FCHSD2: variants seen among roughly 807,000 people sequenced by gnomAD.
FCHSD2 encodes the protein F-BAR and double SH3 domains protein 2.
FCHSD2 carries 38 observed loss-of-function variants against 108.1 expected under a neutral mutation model. The ratio of observed to expected loss-of-function variants is 0.35; its 90% confidence interval spans 0.27 to 0.46. FCHSD2 has a LOEUF of 0.46. Ranked by LOEUF, FCHSD2 falls within the 20% of genes least tolerant of loss-of-function variation. FCHSD2 has a pLI of 1.00. For missense variants in FCHSD2, 751 were observed against 897.8 expected (o/e 0.84, Z 2.09); for synonymous variants, 279 against 314.7 (o/e 0.89, Z 1.20).
intron 8 of FCHSD2, among the ~76,000 whole-genome samples, chr11:72,944,753 A>G (rs1327588296): frequency 6.6e-6 from 1 of 152,210 alleles, no homozygotes; most frequent in Non-Finnish European, 1.5e-5. Context: ...TTATATACCA[A>G]TAACAGACAA....
At chr11:72,994,143 C>T (rs1016061070) in intron 5 of FCHSD2, among the ~76,000 whole-genome samples, 1 of 152,038 alleles carries the variant, frequency 6.6e-6, no homozygotes, top group Non-Finnish European at 1.5e-5. Context: ...CTATGTGGAC[C>T]GAGACATACA....
chr11:73,056,999 CG>C (rs1163229056), intron 3 of FCHSD2, among the ~76,000 whole-genome samples: 1 of 152,072 alleles, frequency 6.6e-6, no homozygotes, highest in Non-Finnish European at 1.5e-5. Flanking sequence ...AGGAGAATGG[CG>C]TGAACCCAGG....
chr11:73,120,955 C>T (rs1000626293), intron 2 of FCHSD2, among the ~76,000 whole-genome samples: 3 of 151,818 alleles, frequency 2.0e-5, no homozygotes, highest in Admixed American at 6.6e-5. Context: ...AATCTGGCAC[C>T]CCTCAAGTCA....
chr11:72,935,709 A>G (rs188833365), intron 8 of FCHSD2, among the ~76,000 whole-genome samples: 2 of 152,352 alleles, frequency 1.3e-5, no homozygotes, highest in Admixed American at 1.3e-4. Context: ...TTATCAGTTG[A>G]TATAAAGTAA....
At chr11:73,115,762 T>C (rs1860588628) in intron 2 of FCHSD2, among the ~76,000 whole-genome samples, 1 of 152,176 alleles carries the variant, frequency 6.6e-6, no homozygotes, top group Non-Finnish European at 1.5e-5. Flanking sequence ...GAGGCAAAAT[T>C]TCTTCTTCTT....
rs370352416 is a variant in FCHSD2 at position 72,916,027 on chromosome 11, G to A, written c.828+5801C>T. ...TGGGAGCTAAATTATGAGAACACAT[G>A]GGAACAACGCACACTAGGGCCTACC... On this transcript the variant is annotated intron_variant, in intron 9 of 19. Coordinates refer to ENST00000409418, the MANE Select transcript of FCHSD2 (RefSeq NM_014824.3). Among the ~76,000 whole-genome samples, 27 of 152,180 alleles carry A rather than the reference G, an allele frequency of 1.8e-4. No individual in the cohort carries two copies. In the South Asian group the frequency reaches 5.6e-3, roughly 32 times the overall value.
At chr11:72,875,678 G>C (rs886996177) in intron 12 of FCHSD2, among the ~76,000 whole-genome samples, 6 of 152,084 alleles carry the variant, frequency 3.9e-5, no homozygotes, top group Non-Finnish European at 7.3e-5. Context: ...ATTTAATCAA[G>C]GTCACACCAA....
At chr11:72,867,825 G>A (rs772888973) in intron 13 of FCHSD2, 40 bp downstream of exon 13, 3 of 1,578,590 alleles carry the variant, frequency 1.9e-6, no homozygotes, top group African/African-American at 2.7e-5. Flanking sequence ...GCATGCTTCA[G>A]TGAAAATCAA....
intron 10 of FCHSD2, among the ~76,000 whole-genome samples, chr11:72,897,487 A>G (rs1217659721): frequency 1.3e-5 from 2 of 152,208 alleles, no homozygotes; most frequent in Admixed American, 6.5e-5. Flanking sequence ...GGATGTGCAC[A>G]GGTTATATGC....
At chr11:72,970,100 G>A (rs1314638218) in intron 8 of FCHSD2, among the ~76,000 whole-genome samples, 1 of 152,150 alleles carries the variant, frequency 6.6e-6, no homozygotes, top group Non-Finnish European at 1.5e-5. Context: ...AAAGTGGTTT[G>A]AAAAAGAAAA....
rs370689006 is a variant in FCHSD2 at position 73,109,152 on chromosome 11, T to A, written c.120-25412A>T. Among the ~76,000 whole-genome samples the A allele has an allele frequency of 2.1e-4, 32 of 152,340 alleles. 1 individual carries two copies. The South Asian group carries it at 6.6e-3, about 32-fold the overall frequency. On this transcript the variant is annotated intron_variant, in intron 2 of 19. Transcript: ENST00000409418. Reference sequence around the variant, plus strand: ...TAGTATAATTTGAAGTCAGGTAATGTGATTCCTCCAATTTTGTTATTTTTG... The same window carrying A: ...TAGTATAATTTGAAGTCAGGTAATGAGATTCCTCCAATTTTGTTATTTTTG...
intron 3 of FCHSD2, among the ~76,000 whole-genome samples, chr11:73,026,244 C>T (rs1461584116): frequency 6.6e-6 from 1 of 152,088 alleles, no homozygotes; most frequent in Non-Finnish European, 1.5e-5. Flanking sequence ...CTCCCAAGTG[C>T]TAGGGTTACA....
rs529504221 is a variant in FCHSD2, at chr11:72,980,436, G to A, written c.705+3652C>T. ...TTACAATTTCATTTCATTTGAAGAA[G>A]GGCAAAGATAAGAATATAAGTTAGA... On this transcript the variant is annotated intron_variant, in intron 8 of 19. Transcript: ENST00000409418. 2.0e-5 allele frequency among the ~76,000 whole-genome samples: 3 copies of A among 152,028 alleles called. No homozygotes were observed. In the South Asian group the frequency reaches 6.2e-4, roughly 32 times the overall value.
At chr11:72,997,016 G>T (rs971795173) in intron 5 of FCHSD2, among the ~76,000 whole-genome samples, 1 of 152,160 alleles carries the variant, frequency 6.6e-6, no homozygotes, top group Admixed American at 6.5e-5. Context: ...AAAAGAACAG[G>T]AACTTGAGAG....
At chr11:73,122,619 G>A (rs1342992278) in intron 2 of FCHSD2, among the ~76,000 whole-genome samples, 1 of 152,042 alleles carries the variant, frequency 6.6e-6, no homozygotes, top group East Asian at 1.9e-4. Context: ...TGTTAATGAG[G>A]GAAAAAGAAG....
chr11:72,980,490 T>G (rs1857191510), intron 8 of FCHSD2, among the ~76,000 whole-genome samples: 1 of 151,942 alleles, frequency 6.6e-6, no homozygotes, highest in African/African-American at 2.4e-5. Context: ...GCTATGAACT[T>G]TAACGAGGAT....
At chr11:73,083,604 G>A in intron 3 of FCHSD2, 91 bp downstream of exon 3, 1 of 734,046 alleles carries the variant, frequency 1.4e-6, no homozygotes, top group Non-Finnish European at 2.3e-6. Context: ...GAAGGCATAG[G>A]GATAATATGG....
chr11:73,110,973 T>C (rs546289491), intron 2 of FCHSD2, among the ~76,000 whole-genome samples: 1 of 152,226 alleles, frequency 6.6e-6, no homozygotes, highest in Non-Finnish European at 1.5e-5. Flanking sequence ...TGTGGTTATA[T>C]AGTTTCCAAA....
chr11:73,086,044 G>A lies in FCHSD2; in HGVS notation c.120-2304C>T, dbSNP rs185463215. 1.8e-4 allele frequency among the ~76,000 whole-genome samples: 28 copies of A among 152,300 alleles called. No homozygotes were observed. In the East Asian group the frequency reaches 4.2e-3, roughly 23 times the overall value. On this transcript the variant is annotated intron_variant, in intron 2 of 19. Transcript: ENST00000409418. ...GGTAAAACTAAAGAAAACTATGTGC[G>A]GGCAAAATGTAAATATGAAAAGAAA...
Sources: allele counts gnomAD v4.1 joint callset (sites outside exome capture counted in the v4.1 genomes callset), GRCh38; gene constraint gnomAD v4.1.1; transcripts MANE v1.5; gene names NCBI Gene and HGNC (gene_info 2026-07-23, HGNC 2026-07-21).